Variants in PRKCE observed in about 807,000 individuals in gnomAD.
PRKCE encodes protein kinase C epsilon.
Under a neutral mutation model 85.4 loss-of-function variants are expected in PRKCE, and 16 were observed. The ratio of observed to expected loss-of-function variants is 0.19; its 90% confidence interval spans 0.13 to 0.28. The LOEUF (loss-of-function observed/expected upper bound fraction) is 0.28, where lower values mean the gene tolerates loss of function less well. PRKCE is among the 10% of genes least tolerant of loss of function. The probability of loss-of-function intolerance (pLI) is 1.00; values close to 1 mark genes in which losing one functional copy is unlikely to be tolerated. For missense variants in PRKCE, 573 were observed against 975.2 expected (o/e 0.59, Z 5.49); for synonymous variants, 388 against 371.5 (o/e 1.04, Z -0.51).
At chr2:45,787,929 C>G (rs1460268336) in intron 1 of PRKCE, among the ~76,000 whole-genome samples, 9 of 152,204 alleles carry the variant, frequency 5.9e-5, no homozygotes, top group Non-Finnish European at 1.3e-4. Flanking sequence ...ACAGAGGCTT[C>G]TCACTGCTCT....
In PRKCE at chr2:46,070,426, G is replaced by T. The variant is rs190178702; in HGVS notation, c.1438-15782G>T. 9.8e-5 allele frequency among the ~76,000 whole-genome samples: 15 copies of T among 152,308 alleles called. No individual in the cohort carries two copies. The East Asian group carries it at 2.9e-3, about 29-fold the overall frequency. On this transcript the variant is annotated intron_variant, in intron 10 of 14. Transcript: ENST00000306156. ...GTGGAGGCCAAGGAGGGTGGATCAC[G>T]AGGTCAGGAGATCAAGACCATCCTG...
At chr2:46,123,816 G>A (rs1386747868) in intron 11 of PRKCE, among the ~76,000 whole-genome samples, 1 of 152,168 alleles carries the variant, frequency 6.6e-6, no homozygotes, top group African/African-American at 2.4e-5. Flanking sequence ...GTCTTCTTCA[G>A]CTCTCAGAAG....
At chr2:46,039,383 A>C (rs1330361687) in intron 10 of PRKCE, among the ~76,000 whole-genome samples, 1 of 152,120 alleles carries the variant, frequency 6.6e-6, no homozygotes, top group Non-Finnish European at 1.5e-5. Context: ...ATCTTTTCAC[A>C]ATGGCATTTG....
chr2:45,851,464 G>A (rs894439791), intron 2 of PRKCE, among the ~76,000 whole-genome samples: 3 of 152,164 alleles, frequency 2.0e-5, no homozygotes, highest in Non-Finnish European at 4.4e-5. Context: ...GGGTATGTGT[G>A]TGTGTTTGCA....
chr2:45,836,948 G>A (rs1034310824), intron 1 of PRKCE, among the ~76,000 whole-genome samples: 2 of 152,222 alleles, frequency 1.3e-5, no homozygotes, highest in African/African-American at 2.4e-5. Flanking sequence ...AATTGGGCCT[G>A]TGTGACCTTT....
intron 12 of PRKCE, among the ~76,000 whole-genome samples, chr2:46,149,916 G>A (rs546405754): frequency 2.1e-4 from 31 of 150,316 alleles, no homozygotes; most frequent in Non-Finnish European, 4.0e-4. Context: ...AAGTGCAGTC[G>A]CATGATTATG....
At chr2:45,725,069 G>T (rs532476859) in intron 1 of PRKCE, among the ~76,000 whole-genome samples, 3 of 152,182 alleles carry the variant, frequency 2.0e-5, no homozygotes, top group African/African-American at 7.2e-5. Flanking sequence ...AGCTTCAAAG[G>T]CCAGCCTGTC....
At chr2:45,975,281 C>G (rs750347902) in intron 2 of PRKCE, among the ~76,000 whole-genome samples, 1 of 152,202 alleles carries the variant, frequency 6.6e-6, no homozygotes, top group Non-Finnish European at 1.5e-5. Flanking sequence ...CCACGATAAA[C>G]ATTTATCATG....
intron 1 of PRKCE, among the ~76,000 whole-genome samples, chr2:45,732,273 T>C (rs1681644042): frequency 1.3e-5 from 2 of 152,288 alleles, no homozygotes; most frequent in East Asian, 1.9e-4. Flanking sequence ...CTCAGGTTTT[T>C]CTATAGGTGA....
intron 2 of PRKCE, among the ~76,000 whole-genome samples, chr2:45,949,402 G>GT (rs35033431): frequency 0.036 from 4,262 of 118,682 alleles, 98 homozygotes; most frequent in Middle Eastern, 0.052. Flanking sequence ...TATTTTGCTT[G>GT]TTTTTTTTTT....
At chr2:46,044,505 A>T (rs766564960) in intron 10 of PRKCE, among the ~76,000 whole-genome samples, 19 of 152,238 alleles carry the variant, frequency 1.2e-4, no homozygotes, top group Non-Finnish European at 2.2e-4. Flanking sequence ...TTTAACTGTG[A>T]TGTGGTCCCA....
At chr2:46,031,020 C>A (rs1287185940) in intron 10 of PRKCE, among the ~76,000 whole-genome samples, 2 of 152,200 alleles carry the variant, frequency 1.3e-5, no homozygotes, top group South Asian at 4.1e-4. Context: ...ATGTACCATG[C>A]TCTATGTGAG....
intron 11 of PRKCE, among the ~76,000 whole-genome samples, chr2:46,088,319 C>A (rs1247361586): frequency 6.6e-6 from 1 of 152,128 alleles, no homozygotes; most frequent in African/African-American, 2.4e-5. Context: ...GTGCTTCTGC[C>A]CTCATTTGCA....
intron 10 of PRKCE, chr2:46,073,508 C>A (rs1668256264): frequency 6.6e-6 from 1 of 152,386 alleles, no homozygotes; most frequent in African/African-American, 2.4e-5. Context: ...CCCTCAGCTG[C>A]TTCTCGGAGG....
intron 2 of PRKCE, among the ~76,000 whole-genome samples, chr2:45,963,416 C>G (rs1396928695): frequency 1.3e-5 from 2 of 152,182 alleles, no homozygotes; most frequent in African/African-American, 4.8e-5. Flanking sequence ...TCAAGCAACT[C>G]TCCTGCCTCA....
At chr2:45,680,781 G>A (rs898663078) in intron 1 of PRKCE, among the ~76,000 whole-genome samples, 5 of 152,204 alleles carry the variant, frequency 3.3e-5, no homozygotes, top group East Asian at 3.9e-4. Flanking sequence ...CATATGGTTT[G>A]TCTCAACATG....
At chr2:45,936,660 GC>G (rs985651287) in intron 2 of PRKCE, among the ~76,000 whole-genome samples, 1 of 152,238 alleles carries the variant, frequency 6.6e-6, no homozygotes, top group African/African-American at 2.4e-5. Flanking sequence ...ACAGCCTGCA[GC>G]CCCTGCAGCC....
intron 2 of PRKCE, among the ~76,000 whole-genome samples, chr2:45,900,560 T>G (rs1259909168): frequency 1.3e-5 from 2 of 152,172 alleles, no homozygotes; most frequent in East Asian, 3.9e-4. Context: ...GGTCCTAGAA[T>G]AGTCAAGTTC....
intron 1 of PRKCE, among the ~76,000 whole-genome samples, chr2:45,824,282 C>T (rs575294900): frequency 6.6e-6 from 1 of 152,328 alleles, no homozygotes; most frequent in Admixed American, 6.5e-5. Context: ...TCAGGGCAAA[C>T]ATCTTTATGA....
Sources: gnomAD v4.1 joint callset for allele counts (sites outside exome capture counted in the v4.1 genomes callset) on GRCh38, gnomAD v4.1.1 for gene constraint, MANE v1.5 for transcripts, NCBI Gene and HGNC (gene_info 2026-07-23, HGNC 2026-07-21) for gene names.